The following HAO1 variants were observed in gnomAD, a reference collection of about 807,000 sequenced individuals.
HAO1 encodes 2-Hydroxyacid oxidase 1.
HAO1 carries 34 observed loss-of-function variants against 39.7 expected under a neutral mutation model. The observed-to-expected ratio is 0.86, with a 90% CI of 0.65 to 1.14. The LOEUF is 1.14. HAO1 is among the 50% of genes most tolerant of loss of function. HAO1 has a pLI of 0.00. For missense variants in HAO1, 479 were observed against 464.5 expected, an observed-to-expected ratio of 1.03 and a Z score of -0.29; for synonymous variants, 172 against 173.2, an observed-to-expected ratio of 0.99 and a Z score of 0.05.
chr20:7,928,668 A>C (rs2050372214), intron 2 of HAO1, among the ~76,000 whole-genome samples: 1 of 152,120 alleles, frequency 6.6e-6, no homozygotes, highest in Admixed American at 6.6e-5. Context: ...TTGCTCAAGT[A>C]GCTCACTTTA....
At chr20:7,896,997 A>G (rs1394452376) in intron 4 of HAO1, among the ~76,000 whole-genome samples, 1 of 152,158 alleles carries the variant, frequency 6.6e-6, no homozygotes. Flanking sequence ...TTTGTAGTAG[A>G]TTCCTTTGTT....
At chr20:7,926,046 C>T (rs560769366) in intron 2 of HAO1, among the ~76,000 whole-genome samples, 18 of 152,012 alleles carry the variant, frequency 1.2e-4, no homozygotes, top group Admixed American at 2.6e-4. Context: ...ATATGTAATA[C>T]GGATGTGTGT....
chr20:7,914,993 G>A (rs936119479), intron 2 of HAO1, among the ~76,000 whole-genome samples: 5 of 152,086 alleles, frequency 3.3e-5, no homozygotes, highest in East Asian at 1.9e-4. Flanking sequence ...GGTCATGGGC[G>A]CCTGTAGTCC....
chr20:7,896,071 C>CAA (rs985299940), intron 4 of HAO1, among the ~76,000 whole-genome samples: 2 of 125,144 alleles, frequency 1.6e-5, no homozygotes. Flanking sequence ...AACTCCGTCT[C>CAA]AAAAAAAAAA....
intron 2 of HAO1, among the ~76,000 whole-genome samples, chr20:7,930,594 G>C (rs529538754): frequency 6.6e-6 from 1 of 152,140 alleles, no homozygotes; most frequent in African/African-American, 2.4e-5. Flanking sequence ...GAAAAGAATG[G>C]GAAGGAAGCC....
intron 2 of HAO1, among the ~76,000 whole-genome samples, chr20:7,918,378 T>A (rs551716976): frequency 6.6e-6 from 1 of 152,222 alleles, no homozygotes; most frequent in Non-Finnish European, 1.5e-5. Context: ...ATTTGCCTAT[T>A]TCTTAAGGAC....
chr20:7,936,462 A>C (rs551868093), intron 1 of HAO1, among the ~76,000 whole-genome samples: 3 of 147,320 alleles, frequency 2.0e-5, no homozygotes, highest in South Asian at 4.4e-4. Flanking sequence ...GAAACAATGA[A>C]AGCTTTATGA....
At chr20:7,909,866 C>T (rs1339795095) in intron 3 of HAO1, among the ~76,000 whole-genome samples, 2 of 152,094 alleles carry the variant, frequency 1.3e-5, no homozygotes, top group African/African-American at 2.4e-5. Flanking sequence ...AAGAGGGGCT[C>T]ATAAATACAG....
Position 7,934,616 on chromosome 20 carries a change from T to C in HAO1, c.157A>G (p.Met53Val), listed in dbSNP as rs370284483. 6.2e-6 allele frequency: 10 copies of C among 1,607,100 alleles called. No homozygotes were observed. The highest frequency in any genetic ancestry group is 7.7e-6 in the Non-Finnish European group (9 of 1,175,692). The change falls in exon 2 of 8, where the codon ATG (methionine) becomes GTG (valine). Residue 53 changes from methionine (M) to valine (V), a missense_variant. Physicochemically the swap from Met to Val is conservative, Grantham distance 21. Transcript: ENST00000378789. The part of the protein sequence containing the change: ...AFSRWKLYPR[M>V]LRNVAETDLS... ...TCTGTTTCAGCAACATTCCGGAGCA[T>C]CCTTGGATACAGCTTCCATCTAGAA...
chr20:7,910,387 A>G (rs1443461555), intron 3 of HAO1, among the ~76,000 whole-genome samples: 1 of 152,262 alleles, frequency 6.6e-6, no homozygotes, highest in African/African-American at 2.4e-5. Flanking sequence ...TACAACAGCA[A>G]TAAAAATAAC....
chr20:7,906,624 T>A (rs1027382226), intron 3 of HAO1, among the ~76,000 whole-genome samples: 1 of 152,246 alleles, frequency 6.6e-6, no homozygotes, highest in African/African-American at 2.4e-5. Context: ...ATCTCATTTT[T>A]AAGCCAGTTT....
intron 3 of HAO1, among the ~76,000 whole-genome samples, chr20:7,913,850 A>G (rs1739749807): frequency 6.6e-6 from 1 of 152,230 alleles, no homozygotes; most frequent in Admixed American, 6.5e-5. Flanking sequence ...ACTTTAACAA[A>G]GAAATAGGGC....
chr20:7,886,137 C>A (rs1446043834), intron 5 of HAO1, among the ~76,000 whole-genome samples: 2 of 151,962 alleles, frequency 1.3e-5, no homozygotes, highest in Admixed American at 6.6e-5. Flanking sequence ...AGATTGTCAT[C>A]AAAAAATTAT....
intron 1 of HAO1, among the ~76,000 whole-genome samples, chr20:7,939,594 A>C (rs955373973): frequency 6.6e-6 from 1 of 152,152 alleles, no homozygotes; most frequent in Non-Finnish European, 1.5e-5. Context: ...CCAGCAAATA[A>C]ACCATTTTTG....
rs3215459 is a variant in HAO1 at position 7,924,264 on chromosome 20, CT to C, written c.290-9846del. 9.3e-4 allele frequency among the ~76,000 whole-genome samples: 142 copies of C among 152,034 alleles called. 7 individuals are homozygous for C. The East Asian group carries it at 0.025, about 27-fold the overall frequency. ...GCTTGCTTATCTGGGATTTGTCCAG[CT>C]TCCTAGATCTCAGATCAGAAGCAGA... On this transcript the variant is annotated intron_variant, in intron 2 of 7. Transcript: ENST00000378789.
chr20:7,934,729 T>C lies in HAO1; in HGVS notation c.138-94A>G. The C allele has an allele frequency of 5.3e-6, 4 of 755,890 alleles. No homozygotes were observed. The South Asian group carries it at 9.8e-5, about 19-fold the overall frequency. 46.8% of individuals were successfully genotyped at this position (755,890 alleles called of 1,614,324 possible). ...TACATTTTAGTTAAAAGAAAAAATA[T>C]AATTGGATTTTTTCCAAACAAGCAA... On this transcript the variant is annotated intron_variant, in intron 1 of 7. Coordinates refer to ENST00000378789, the MANE Select transcript of HAO1 (RefSeq NM_017545.3).
At chr20:7,892,946 C>A (rs1181449597) in intron 5 of HAO1, among the ~76,000 whole-genome samples, 1 of 152,118 alleles carries the variant, frequency 6.6e-6, no homozygotes, top group Non-Finnish European at 1.5e-5. Flanking sequence ...GAGCAGAAAG[C>A]AATTCCCTCT....
chr20:7,917,653 C>G (rs1187127166), intron 2 of HAO1, among the ~76,000 whole-genome samples: 1 of 152,056 alleles, frequency 6.6e-6, no homozygotes, highest in East Asian at 1.9e-4. Context: ...AGTGTGGATG[C>G]ACAAAGGGGT....
chr20:7,924,922 G>A lies in HAO1; in HGVS notation c.289+9562C>T, dbSNP rs371281922. On this transcript the variant is annotated intron_variant, in intron 2 of 7. Coordinates refer to ENST00000378789, the MANE Select transcript of HAO1 (RefSeq NM_017545.3). ...TCTGCACAGGAAGTCATTACGTAAT[G>A]GGGAAAATATGCGATGACCAAGTAC... is the stretch of plus-strand genomic sequence containing the variant. 1.4e-4 allele frequency among the ~76,000 whole-genome samples: 21 copies of A among 152,220 alleles called. No individual in the cohort carries two copies. The South Asian group carries it at 4.1e-3, about 30-fold the overall frequency.
Sources: gnomAD v4.1 joint callset for allele counts (sites outside exome capture counted in the v4.1 genomes callset) on GRCh38, gnomAD v4.1.1 for gene constraint, MANE v1.5 for transcripts, NCBI Gene and HGNC (gene_info 2026-07-23, HGNC 2026-07-21) for gene names.